Variants in DIAPH2 observed in about 807,000 individuals in gnomAD.
DIAPH2 encodes diaphanous related formin 2, also known as protein diaphanous homolog 2.
A neutral mutation model predicts 92.7 loss-of-function variants in DIAPH2; 35 were observed. The ratio of observed to expected loss-of-function variants is 0.38; its 90% confidence interval spans 0.29 to 0.50. The LOEUF (loss-of-function observed/expected upper bound fraction) is 0.50, where lower values mean the gene tolerates loss of function less well. Among genes scored for constraint, DIAPH2 ranks in the 20% least tolerant of loss-of-function variants. DIAPH2 has a pLI of 0.94. For missense variants in DIAPH2, 701 were observed against 819.5 expected, an observed-to-expected ratio of 0.86 and a Z score of 1.77; for synonymous variants, 301 against 280.4, an observed-to-expected ratio of 1.07 and a Z score of -0.73.
intron 4 of DIAPH2, among the ~76,000 whole-genome samples, chrX:96,804,443 T>A (rs2064608098): frequency 8.9e-6 from 1 of 112,162 alleles, no homozygotes; most frequent in African/African-American, 3.2e-5. Flanking sequence ...AAAGAAGTGT[T>A]TTATTAAGCA....
chrX:96,691,085 C>G (rs2063795762), intron 1 of DIAPH2, among the ~76,000 whole-genome samples: 1 of 111,721 alleles, frequency 9.0e-6, no homozygotes, highest in African/African-American at 3.3e-5. Flanking sequence ...AAATCATGTT[C>G]TTTTCCAACC....
Position 96,958,252 on chromosome X carries a change from G to A in DIAPH2, c.1935+104G>A, listed in dbSNP as rs773031550. 1,430 of 884,945 alleles carry A rather than the reference G, an allele frequency of 1.6e-3. 1 individual carries two copies. The highest frequency in any genetic ancestry group is 3.3e-3 in the Middle Eastern group (9 of 2,728). The allele number at this position is 884,945 out of a possible 1,213,427, so 72.9% of individuals were successfully genotyped here. Reference sequence around the variant, plus strand: ...GAGAGTATGACTGCTGACTCTTTCCGTTCCTTTGTGGGTTCATCATTTTAT... The same window carrying A: ...GAGAGTATGACTGCTGACTCTTTCCATTCCTTTGTGGGTTCATCATTTTAT... On this transcript the variant is annotated intron_variant, in intron 16 of 26. Coordinates refer to ENST00000324765, the MANE Select transcript of DIAPH2 (RefSeq NM_006729.5).
chrX:97,460,013 G>A (rs757318527), intron 26 of DIAPH2, among the ~76,000 whole-genome samples: 1 of 112,419 alleles, frequency 8.9e-6, no homozygotes, highest in South Asian at 3.7e-4. Flanking sequence ...AGCACAAAAT[G>A]TTGCAGAACT....
chrX:97,506,687 C>T (rs2070837313), intron 26 of DIAPH2, among the ~76,000 whole-genome samples: 1 of 110,581 alleles, frequency 9.0e-6, no homozygotes, highest in African/African-American at 3.3e-5. Context: ...GTTCGAGTGT[C>T]ACGTTATTTG....
intron 19 of DIAPH2, chrX:97,081,592 G>A (rs2066745174): frequency 1.8e-5 from 2 of 111,259 alleles, no homozygotes; most frequent in South Asian, 7.5e-4. Context: ...GGCTGAAGCG[G>A]GTGGATCACA....
chrX:97,368,087 C>CA (rs2069400549), intron 24 of DIAPH2, among the ~76,000 whole-genome samples: 1 of 112,407 alleles, frequency 8.9e-6, no homozygotes, highest in South Asian at 3.7e-4. Flanking sequence ...ACTAATCTTT[C>CA]AAATAGTTTT....
At chrX:97,300,292 C>G (rs938908242) in intron 23 of DIAPH2, among the ~76,000 whole-genome samples, 1 of 111,917 alleles carries the variant, frequency 8.9e-6, no homozygotes, top group Admixed American at 9.6e-5. Flanking sequence ...CTACGTAACT[C>G]TCTATGTGAA....
chrX:97,546,561 A>G (rs2071182731), intron 26 of DIAPH2, among the ~76,000 whole-genome samples: 1 of 111,613 alleles, frequency 9.0e-6, no homozygotes, highest in African/African-American at 3.3e-5. Context: ...CTTCGCTGGG[A>G]GTGGCAGCTC....
chrX:97,554,966 A>G (rs1320939591), intron 26 of DIAPH2, among the ~76,000 whole-genome samples: 2 of 111,040 alleles, frequency 1.8e-5, no homozygotes, highest in Non-Finnish European at 3.8e-5. Flanking sequence ...AACCTAATAG[A>G]CATCTCTCAA....
chrX:97,047,851 C>A (rs1602303649), intron 17 of DIAPH2, among the ~76,000 whole-genome samples: 1 of 109,980 alleles, frequency 9.1e-6, no homozygotes, highest in East Asian at 2.8e-4. Context: ...TCATTGACAT[C>A]ATAATATTAT....
At chrX:97,534,399 A>G (rs2071081823) in intron 26 of DIAPH2, among the ~76,000 whole-genome samples, 1 of 110,662 alleles carries the variant, frequency 9.0e-6, no homozygotes, top group African/African-American at 3.3e-5. Flanking sequence ...TATCTTGGTC[A>G]TGTTCAAGAA....
chrX:97,027,406 C>T (rs771861886), intron 17 of DIAPH2, among the ~76,000 whole-genome samples: 1 of 111,856 alleles, frequency 8.9e-6, no homozygotes, highest in Non-Finnish European at 1.9e-5. Context: ...CTGTAAGCAC[C>T]AACAGCCAAA....
chrX:97,568,034 T>G (rs1182302639), intron 26 of DIAPH2, among the ~76,000 whole-genome samples: 2 of 98,107 alleles, frequency 2.0e-5, no homozygotes, highest in East Asian at 6.7e-4. Flanking sequence ...GAGAATCGCT[T>G]GAACCTGGGA....
chrX:97,557,025 C>T (rs965096463), intron 26 of DIAPH2, among the ~76,000 whole-genome samples: 2 of 111,242 alleles, frequency 1.8e-5, no homozygotes, highest in Admixed American at 9.6e-5. Flanking sequence ...TGGAGTTCAT[C>T]GATTAATTCA....
intron 17 of DIAPH2, among the ~76,000 whole-genome samples, chrX:97,004,205 T>C (rs980438062): frequency 1.8e-5 from 2 of 111,695 alleles, no homozygotes; most frequent in Non-Finnish European, 3.8e-5. Flanking sequence ...GTAGTATAAT[T>C]TGAAGTCAGG....
At chrX:96,777,469 G>A (rs2064384575) in intron 4 of DIAPH2, among the ~76,000 whole-genome samples, 1 of 110,831 alleles carries the variant, frequency 9.0e-6, no homozygotes, top group African/African-American at 3.3e-5. Context: ...ATATCAACAA[G>A]TTTCAGGAAA....
intron 26 of DIAPH2, among the ~76,000 whole-genome samples, chrX:97,503,101 G>A (rs777689744): frequency 1.7e-4 from 19 of 112,241 alleles, no homozygotes; most frequent in African/African-American, 5.5e-4. Flanking sequence ...ACAAATATTT[G>A]TGGACAGAAA....
At chrX:97,097,174 C>A (rs1268609904) in intron 19 of DIAPH2, among the ~76,000 whole-genome samples, 2 of 111,609 alleles carry the variant, frequency 1.8e-5, no homozygotes, top group Non-Finnish European at 3.8e-5. Context: ...TATACTACAT[C>A]TTTGTCTACA....
intron 22 of DIAPH2, among the ~76,000 whole-genome samples, chrX:97,183,854 T>C (rs1262894201): frequency 5.4e-5 from 6 of 112,125 alleles, no homozygotes; most frequent in African/African-American, 1.3e-4. Context: ...AAATGGACAT[T>C]ATTTGTATTT....
Sources: gnomAD v4.1 joint callset for allele counts (sites outside exome capture counted in the v4.1 genomes callset) on GRCh38, gnomAD v4.1.1 for gene constraint, MANE v1.5 for transcripts, NCBI Gene and HGNC (gene_info 2026-07-23, HGNC 2026-07-21) for gene names.